PSKH2: variants seen among roughly 807,000 people sequenced by gnomAD.
The protein encoded by PSKH2 is serine/threonine-protein kinase H2.
Under a neutral mutation model 22.5 loss-of-function variants are expected in PSKH2, and 16 were observed. The observed-to-expected ratio is 0.71, with a 90% CI of 0.48 to 1.08. PSKH2 has a LOEUF of 1.08. Ranked by LOEUF, PSKH2 falls within the 50% of genes least tolerant of loss-of-function variation. The pLI, the probability that PSKH2 is intolerant of heterozygous loss-of-function variation, is 0.00. For missense variants in PSKH2, 516 were observed against 492.8 expected (o/e 1.05, Z -0.44); for synonymous variants, 188 against 184.8 (o/e 1.02, Z -0.14).
At chr8:86,052,765 C>A (rs991585842) in intron 2 of PSKH2, among the ~76,000 whole-genome samples, 2 of 151,966 alleles carry the variant, frequency 1.3e-5, no homozygotes, top group Non-Finnish European at 2.9e-5. Context: ...AACCATTTTA[C>A]AAAAAAAGGA....
chr8:86,056,107 A>T (rs1817695260), intron 2 of PSKH2, among the ~76,000 whole-genome samples: 2 of 151,972 alleles, frequency 1.3e-5, no homozygotes, highest in African/African-American at 4.8e-5. Flanking sequence ...TGGGCAACAT[A>T]ACAAGACCCT....
chr8:86,048,624 G>A lies in PSKH2; in HGVS notation c.996C>T (p.Leu332=). The change falls in exon 3 of 3, where the codon CTC becomes CTT. Residue 332 remains leucine (L), a synonymous_variant. Coordinates refer to ENST00000276616, the MANE Select transcript of PSKH2 (RefSeq NM_033126.3). ...TMAAGSSMKN[L]QRAISRNLMQ... Reference sequence around the variant, plus strand: ...TGAGGTTTCGGGATATGGCCCTCTGGAGATTCTTCATGGAAGACCCTGCAG... The same window carrying A: ...TGAGGTTTCGGGATATGGCCCTCTGAAGATTCTTCATGGAAGACCCTGCAG... 6.2e-7 allele frequency: 1 copy of A among 1,614,094 alleles called. No homozygotes were observed. Among genetic ancestry groups the A allele is most frequent in the Non-Finnish European group, 8.5e-7 (1 of 1,180,022 alleles).
At chr8:86,053,803 A>G (rs1817664750) in intron 2 of PSKH2, among the ~76,000 whole-genome samples, 1 of 152,160 alleles carries the variant, frequency 6.6e-6, no homozygotes, top group African/African-American at 2.4e-5. Context: ...GCATTTTGGG[A>G]GGCCGAGTCA....
rs1032591819 is a variant in PSKH2, at chr8:86,048,416, T to C, written c.*46A>G. 2.0e-6 allele frequency: 3 copies of C among 1,480,556 alleles called. No individual in the cohort carries two copies. The highest frequency in any genetic ancestry group is 9.3e-7 in the Non-Finnish European group (1 of 1,077,380). 91.7% of individuals were successfully genotyped at this position (1,480,556 alleles called of 1,614,324 possible). A position where few individuals can be genotyped will look rare whatever the true frequency, so the allele number is the denominator to read the frequency against. ...GAGCTTGAGGGTGCCCTAATCATGA[T>C]GAAATGGTCCTAAAATAGGCAAAAA... is the stretch of plus-strand genomic sequence containing the variant. On this transcript the variant is annotated 3_prime_UTR_variant, in exon 3 of 3. Coordinates refer to ENST00000276616, the MANE Select transcript of PSKH2 (RefSeq NM_033126.3).
chr8:86,069,359 G>T, intron 1 of PSKH2, 79 bp downstream of exon 1: 1 of 1,353,650 alleles, frequency 7.4e-7, no homozygotes. Flanking sequence ...TCAAGCTGAA[G>T]GGAACCTCGA....
chr8:86,050,792 G>A (rs1184209479), intron 2 of PSKH2, among the ~76,000 whole-genome samples: 1 of 152,166 alleles, frequency 6.6e-6, no homozygotes, highest in East Asian at 1.9e-4. Context: ...AAAGATAAGG[G>A]AATCCTTCCA....
chr8:86,064,820 A>G (rs1250406174), intron 1 of PSKH2, among the ~76,000 whole-genome samples, 189 bp from the exon 2 acceptor site: 1 of 152,212 alleles, frequency 6.6e-6, no homozygotes, highest in Non-Finnish European at 1.5e-5. Flanking sequence ...GGAAAACGAT[A>G]TAAAGGTAAT....
At chr8:86,057,446 G>A (rs1817716335) in intron 2 of PSKH2, among the ~76,000 whole-genome samples, 2 of 151,878 alleles carry the variant, frequency 1.3e-5, no homozygotes, top group Non-Finnish European at 2.9e-5. Flanking sequence ...GAGTGCAGTG[G>A]CCCGATCTCA....
chr8:86,051,175 C>CGTGCCTCACTCTCCCATGCTGGGAGA (rs1044499184), intron 2 of PSKH2, among the ~76,000 whole-genome samples: 33 of 151,932 alleles, frequency 2.2e-4, no homozygotes, highest in Admixed American at 7.2e-4. Context: ...AGGCGATTCT[C>CGTGCCTCACTCTCCCATGCTGGGAGA]GTGCCTCACT....
intron 2 of PSKH2, 28 bp from the exon 3 acceptor site, chr8:86,048,795 T>G: frequency 6.8e-7 from 1 of 1,481,260 alleles, no homozygotes; most frequent in Middle Eastern, 2.4e-4. Flanking sequence ...TAAGTTAGAA[T>G]AAAATAAATA....
At chr8:86,056,367 C>CT (rs1817698200) in intron 2 of PSKH2, among the ~76,000 whole-genome samples, 1 of 152,012 alleles carries the variant, frequency 6.6e-6, no homozygotes, top group Non-Finnish European at 1.5e-5. Flanking sequence ...TATAATTCTC[C>CT]TTTTTTTAAA....
chr8:86,057,392 G>C (rs1332481158), intron 2 of PSKH2, among the ~76,000 whole-genome samples: 1 of 147,196 alleles, frequency 6.8e-6, no homozygotes, highest in Non-Finnish European at 1.5e-5. Flanking sequence ...TTGTTTTTTT[G>C]AGACAGAGTC....
At chr8:86,063,554 G>A (rs1817807159) in intron 2 of PSKH2, among the ~76,000 whole-genome samples, 1 of 152,232 alleles carries the variant, frequency 6.6e-6, no homozygotes, top group African/African-American at 2.4e-5. Flanking sequence ...AAACACCCAA[G>A]CGTCATGCTG....
At chr8:86,069,763 C>G, upstream of PSKH2, 1 of 971,294 alleles carries the variant, frequency 1.0e-6, no homozygotes, top group East Asian at 3.0e-5. Flanking sequence ...GTCAGGGAGA[C>G]AGCCCCCAGG....
In PSKH2 at chr8:86,064,498, A is replaced by C. The variant is rs1299845149; in HGVS notation, c.319T>G (p.Ser107Ala). The C allele has an allele frequency of 6.2e-7, 1 of 1,613,848 alleles. No individual in the cohort carries two copies. Among genetic ancestry groups the C allele is most frequent in the Non-Finnish European group, 8.5e-7 (1 of 1,180,012 alleles). Residue 107 changes from serine to alanine, a missense_variant, in exon 2 of 3, where the codon TCT becomes GCT. Coordinates refer to ENST00000276616, the MANE Select transcript of PSKH2 (RefSeq NM_033126.3). ...REREGREACV[S>A]ELSVLRRVSH... ...ACCCGCCGCAGGACGCTCAGCTCAG[A>C]CACGCACGCTTCTCTACCTTCCCTC... is the stretch of plus-strand genomic sequence containing the variant.
chr8:86,061,217 C>A (rs1817773588), intron 2 of PSKH2, among the ~76,000 whole-genome samples: 1 of 152,182 alleles, frequency 6.6e-6, no homozygotes, highest in Admixed American at 6.5e-5. Context: ...CACTCCCTTA[C>A]CTGTCTCCCC....
chr8:86,056,351 T>C (rs1270276516), intron 2 of PSKH2, among the ~76,000 whole-genome samples: 1 of 152,142 alleles, frequency 6.6e-6, no homozygotes, highest in African/African-American at 2.4e-5. Context: ...AGCTAGCTAA[T>C]ATGGTTATAA....
rs1239532896 is a variant in PSKH2 at position 86,069,613 on chromosome 8, C to T, written c.10G>A (p.Gly4Ser). The T allele has an allele frequency of 1.9e-6, 3 of 1,587,258 alleles. No individual in the cohort carries two copies. Among genetic ancestry groups the T allele is most frequent in the East Asian group, 4.6e-5 (2 of 43,606 alleles). ...CCCGGGACCACCTTCCTGCTGGCGCCGCACCCCATACCCGCAACACGCCCG... is the reference window on the plus strand; with the variant it reads ...CCCGGGACCACCTTCCTGCTGGCGCTGCACCCCATACCCGCAACACGCCCG... Reference protein sequence around the residue: MGCGASRKVVPGPP... With the variant: MGCSASRKVVPGPP... Residue 4 changes from glycine to serine, a missense_variant, in exon 1 of 3, where the codon GGC (glycine) becomes AGC (serine). Physicochemically the swap from Gly to Ser is moderately conservative, Grantham distance 56. Coordinates refer to ENST00000276616, the MANE Select transcript of PSKH2 (RefSeq NM_033126.3).
chr8:86,056,322 A>G (rs1039499744), intron 2 of PSKH2, among the ~76,000 whole-genome samples: 3 of 152,044 alleles, frequency 2.0e-5, no homozygotes, highest in Non-Finnish European at 4.4e-5. Context: ...TGTTTTTAAT[A>G]TCAGTGTCTG....
Sources: gnomAD v4.1 joint callset for allele counts (sites outside exome capture counted in the v4.1 genomes callset) on GRCh38, gnomAD v4.1.1 for gene constraint, MANE v1.5 for transcripts, NCBI Gene and HGNC (gene_info 2026-07-23, HGNC 2026-07-21) for gene names.